LHFPL6: variants seen among roughly 807,000 people sequenced by gnomAD.
LHFPL6 encodes the protein LHFPL tetraspan subfamily member 6.
LHFPL6 carries 9 observed loss-of-function variants against 20.6 expected under a neutral mutation model. The observed-to-expected ratio is 0.44, with a 90% CI of 0.26 to 0.76. The LOEUF is 0.76. Among genes scored for constraint, LHFPL6 ranks in the 30% least tolerant of loss-of-function variants. LHFPL6 has a pLI of 0.20. For missense variants in LHFPL6, 218 were observed against 253.5 expected (o/e 0.86, Z 0.95); for synonymous variants, 105 against 98.7 (o/e 1.06, Z -0.38).
intron 2 of LHFPL6, among the ~76,000 whole-genome samples, chr13:39,438,356 GT>G (rs1484921647): frequency 6.6e-6 from 1 of 152,134 alleles, no homozygotes; most frequent in Admixed American, 6.5e-5. Context: ...ACCACCTATG[GT>G]CATATGAGTA....
intron 3 of LHFPL6, among the ~76,000 whole-genome samples, chr13:39,367,892 C>T (rs1042872961): frequency 6.6e-6 from 1 of 152,216 alleles, no homozygotes; most frequent in Non-Finnish European, 1.5e-5. Flanking sequence ...GTCATCAAAA[C>T]ATCCAGTTGC....
At chr13:39,588,618 G>C (rs1373008098) in intron 2 of LHFPL6, among the ~76,000 whole-genome samples, 11 of 152,162 alleles carry the variant, frequency 7.2e-5, no homozygotes, top group Admixed American at 4.6e-4. Flanking sequence ...TTTTTCCAAA[G>C]AACTAACATT....
chr13:39,538,002 T>G (rs1008884722), intron 2 of LHFPL6, among the ~76,000 whole-genome samples: 41 of 150,454 alleles, frequency 2.7e-4, no homozygotes, highest in Admixed American at 1.1e-3. Flanking sequence ...CTTTTTTTTT[T>G]TTTTTTGAGA....
At chr13:39,524,743 C>T (rs931029368) in intron 2 of LHFPL6, among the ~76,000 whole-genome samples, 2 of 152,152 alleles carry the variant, frequency 1.3e-5, no homozygotes, top group African/African-American at 4.8e-5. Flanking sequence ...AAATAGGCCT[C>T]CTGCTATTAC....
At chr13:39,562,515 T>TATATACAC (rs1166886664) in intron 2 of LHFPL6, among the ~76,000 whole-genome samples, 7 of 114,856 alleles carry the variant, frequency 6.1e-5, no homozygotes, top group African/African-American at 2.0e-4. Flanking sequence ...CATATATACA[T>TATATACAC]ATATACACAT....
intron 2 of LHFPL6, among the ~76,000 whole-genome samples, chr13:39,581,064 G>A (rs1435291147): frequency 6.6e-6 from 1 of 152,148 alleles, no homozygotes; most frequent in East Asian, 1.9e-4. Flanking sequence ...CATCCCACAT[G>A]GGGGGAAAAT....
intron 2 of LHFPL6, among the ~76,000 whole-genome samples, chr13:39,513,471 A>G (rs1240770079): frequency 2.6e-5 from 4 of 152,208 alleles, no homozygotes; most frequent in Non-Finnish European, 5.9e-5. Context: ...TATTCTCTGG[A>G]AATCTTGAAG....
intron 2 of LHFPL6, among the ~76,000 whole-genome samples, chr13:39,484,221 G>T (rs749967671): frequency 6.6e-6 from 1 of 152,064 alleles, no homozygotes; most frequent in East Asian, 1.9e-4. Flanking sequence ...AAGTGTGGCC[G>T]GAATGAACTT....
intron 2 of LHFPL6, among the ~76,000 whole-genome samples, chr13:39,484,154 C>G (rs961255281): frequency 6.6e-6 from 1 of 152,180 alleles, no homozygotes; most frequent in Admixed American, 6.5e-5. Flanking sequence ...CCTATCTTCT[C>G]CACCCGGTTT....
chr13:39,366,915 G>C (rs2138349788), intron 3 of LHFPL6, among the ~76,000 whole-genome samples: 1 of 152,202 alleles, frequency 6.6e-6, no homozygotes, highest in South Asian at 2.1e-4. Context: ...TTATTATAAT[G>C]GACACTAAAC....
At chr13:39,558,728 A>G (rs929508119) in intron 2 of LHFPL6, among the ~76,000 whole-genome samples, 2 of 152,222 alleles carry the variant, frequency 1.3e-5, no homozygotes, top group Non-Finnish European at 2.9e-5. Flanking sequence ...AATGCTATAG[A>G]GAGGAGAAGC....
chr13:39,579,321 A>T (rs1398499401), intron 2 of LHFPL6, among the ~76,000 whole-genome samples: 1 of 152,196 alleles, frequency 6.6e-6, no homozygotes, highest in Non-Finnish European at 1.5e-5. Context: ...GCATCAGGAC[A>T]CTAAACGAGA....
intron 2 of LHFPL6, among the ~76,000 whole-genome samples, chr13:39,575,467 CATAAG>C (rs1872085568): frequency 6.6e-6 from 1 of 152,152 alleles, no homozygotes; most frequent in South Asian, 2.1e-4. Flanking sequence ...CACAAATAGT[CATAAG>C]ATATCATTTT....
At chr13:39,403,946 A>G (rs1248297551) in intron 2 of LHFPL6, among the ~76,000 whole-genome samples, 4 of 152,164 alleles carry the variant, frequency 2.6e-5, no homozygotes, top group Non-Finnish European at 4.4e-5. Context: ...TTTCTGATTT[A>G]TGAGGCCAAG....
intron 2 of LHFPL6, among the ~76,000 whole-genome samples, chr13:39,573,569 A>C (rs1872004765): frequency 6.6e-6 from 1 of 152,298 alleles, no homozygotes; most frequent in South Asian, 2.1e-4. Context: ...GAAGGTTAGA[A>C]CTTTAAATGC....
chr13:39,448,984 A>G (rs1237052779), intron 2 of LHFPL6, among the ~76,000 whole-genome samples: 1 of 152,260 alleles, frequency 6.6e-6, no homozygotes, highest in Non-Finnish European at 1.5e-5. Context: ...GCTAATCCCA[A>G]TGCTGTCAGA....
At chr13:39,408,897 A>G (rs1021126157) in intron 2 of LHFPL6, among the ~76,000 whole-genome samples, 3 of 152,216 alleles carry the variant, frequency 2.0e-5, no homozygotes, top group Non-Finnish European at 4.4e-5. Context: ...GTCATCTAAG[A>G]AAGTAAAAAC....
chr13:39,453,804 T>C (rs960212480), intron 2 of LHFPL6, among the ~76,000 whole-genome samples: 65 of 152,348 alleles, frequency 4.3e-4, no homozygotes, highest in African/African-American at 1.4e-3. Context: ...ATGTGTATCA[T>C]GACTGGAGAA....
chr13:39,385,749 A>G (rs1344908105), intron 2 of LHFPL6, among the ~76,000 whole-genome samples: 1 of 152,218 alleles, frequency 6.6e-6, no homozygotes, highest in Admixed American at 6.5e-5. Flanking sequence ...CTATTAACAT[A>G]ACAATTCAGC....
Sources: allele counts gnomAD v4.1 joint callset (sites outside exome capture counted in the v4.1 genomes callset), GRCh38; gene constraint gnomAD v4.1.1; transcripts MANE v1.5; gene names NCBI Gene and HGNC (gene_info 2026-07-23, HGNC 2026-07-21).